Variants in TEK observed in about 807,000 individuals in gnomAD.
TEK encodes the protein angiopoietin-1 receptor.
A neutral mutation model predicts 131.8 loss-of-function variants in TEK; 43 were observed. The observed-to-expected ratio is 0.33, with a 90% CI of 0.26 to 0.42. TEK has a LOEUF of 0.42. Ranked by LOEUF, TEK falls within the 10% of genes least tolerant of loss-of-function variation. The pLI is 1.00. For synonymous variants in TEK, 580 were observed against 491.6 expected (o/e 1.18, Z -2.38); for missense variants, 1,162 against 1,384.4 (o/e 0.84, Z 2.55).
chr9:27,145,784 G>T lies in TEK; in HGVS notation c.53-12047G>T, dbSNP rs1032050646. Among the ~76,000 whole-genome samples, 5 of 152,194 alleles carry T rather than the reference G, an allele frequency of 3.3e-5. No individual in the cohort carries two copies. In the East Asian group the frequency reaches 5.8e-4, roughly 18 times the overall value. ...CAGTGCTTGGTGCTGGGGCGTTGAA[G>T]ACAGAAAGCTCATTGTCTAAGGAAG... On this transcript the variant is annotated intron_variant, in intron 1 of 22. Transcript: ENST00000380036.
At chr9:27,194,968 A>C (rs1215478007) in intron 11 of TEK, among the ~76,000 whole-genome samples, 1 of 152,096 alleles carries the variant, frequency 6.6e-6, no homozygotes, top group East Asian at 1.9e-4. Context: ...AAGGGCGGGA[A>C]AAGGGGAAAT....
intron 2 of TEK, among the ~76,000 whole-genome samples, chr9:27,166,537 C>A (rs972020812): frequency 2.6e-5 from 4 of 152,114 alleles, no homozygotes; most frequent in Non-Finnish European, 5.9e-5. Flanking sequence ...TAAAATCTAA[C>A]AAGGTTTTAT....
In TEK at chr9:27,212,836, A is replaced by G; in HGVS notation, c.2816A>G (p.Gln939Arg). 28 of 1,614,162 alleles carry G rather than the reference A, an allele frequency of 1.7e-5. No individual in the cohort carries two copies. Among genetic ancestry groups the G allele is most frequent in the Middle Eastern group, 1.6e-4 (1 of 6,062 alleles). ...ANSTASTLSS[Q>R]QLLHFAADVA... ...AGCACCGCGTCCACACTGTCCTCCC[A>G]GCAGCTCCTTCACTTCGCTGCCGAC... The change falls in exon 17 of 23, where the codon CAG becomes CGG. Residue 939 changes from glutamine to arginine, a missense_variant. By Grantham distance (43) the Gln-to-Arg change is conservative (BLOSUM62 1). Around this residue, in one of 6 missense-constraint regions of TEK, gnomAD observed 107 missense variants for 173.9 expected, o/e 0.62. Transcript: ENST00000380036.
intron 12 of TEK, among the ~76,000 whole-genome samples, chr9:27,200,446 T>G (rs1379163883): frequency 6.6e-6 from 1 of 152,144 alleles, no homozygotes; most frequent in African/African-American, 2.4e-5. Context: ...CTTGGATGAT[T>G]GTATGAAGTT....
intron 19 of TEK, among the ~76,000 whole-genome samples, chr9:27,218,260 G>GGGT (rs5897226): frequency 0.85 from 128,865 of 150,882 alleles, 55,297 homozygotes; most frequent in East Asian, 1. Flanking sequence ...AAGGCCCCGA[G>GGGT]GGTGGTGACT....
chr9:27,109,719 TCTC>T, intron 1 of TEK, 77 bp downstream of exon 1: 1 of 1,450,698 alleles, frequency 6.9e-7, no homozygotes. Context: ...TCTCCCCAAA[TCTC>T]ATCAGTGCTG....
rs527539252 is a variant in TEK at position 27,212,725 on chromosome 9, T to C, written c.2705T>C (p.Ile902Thr). The C allele has an allele frequency of 6.2e-7, 1 of 1,614,130 alleles. No individual in the cohort carries two copies. Among genetic ancestry groups the C allele is most frequent in the Non-Finnish European group, 8.5e-7 (1 of 1,179,994 alleles). ...CEHRGYLYLA[I>T]EYAPHGNLLD... ...CCTCCAGGCTACTTGTACCTGGCCA[T>C]TGAGTACGCGCCCCATGGAAACCTT... The change falls in exon 17 of 23, where the codon ATT becomes ACT. Residue 902 changes from isoleucine (I) to threonine (T), a missense_variant. Around this residue, in one of 6 missense-constraint regions of TEK, gnomAD observed 57 missense variants for 100.8 expected, o/e 0.57. Transcript: ENST00000380036.
At chr9:27,144,436 A>G (rs1429905847) in intron 1 of TEK, among the ~76,000 whole-genome samples, 1 of 152,216 alleles carries the variant, frequency 6.6e-6, no homozygotes, top group East Asian at 1.9e-4. Flanking sequence ...ATTACACTTA[A>G]TACATTTATA....
At chr9:27,116,422 G>C (rs1002004258) in intron 1 of TEK, among the ~76,000 whole-genome samples, 4 of 152,004 alleles carry the variant, frequency 2.6e-5, no homozygotes, top group African/African-American at 9.7e-5. Context: ...CTGAATAACT[G>C]GGATTATAGG....
intron 21 of TEK, among the ~76,000 whole-genome samples, 185 bp from the exon 22 acceptor site, chr9:27,228,021 A>T (rs115087621): frequency 6.6e-4 from 101 of 152,238 alleles, no homozygotes; most frequent in African/African-American, 2.4e-3. Flanking sequence ...AACTAAATCT[A>T]TGAGGAGTTG....
Position 27,217,955 on chromosome 9 carries a change from G to A in TEK, c.3062+197G>A, listed in dbSNP as rs1489031124. Among the ~76,000 whole-genome samples the A allele has an allele frequency of 2.6e-5, 4 of 152,142 alleles. No individual in the cohort carries two copies. In the South Asian group the frequency reaches 6.2e-4, roughly 24 times the overall value. On this transcript the variant is annotated intron_variant, in intron 19 of 22. Transcript: ENST00000380036. ...AGGAGTGCAGAATCACTTGTGGCAG[G>A]TTTTGGGTTTCCCTCTGCATACTGA...
intron 12 of TEK, among the ~76,000 whole-genome samples, chr9:27,201,119 G>A (rs1164359450): frequency 2.0e-5 from 3 of 152,152 alleles, no homozygotes; most frequent in Non-Finnish European, 4.4e-5. Context: ...AAGCATTTTA[G>A]AATCTATTGT....
At chr9:27,128,538 A>T (rs1226593405) in intron 1 of TEK, among the ~76,000 whole-genome samples, 1 of 152,130 alleles carries the variant, frequency 6.6e-6, no homozygotes, top group Non-Finnish European at 1.5e-5. Context: ...CTTGATGGGG[A>T]TAGCATTGAA....
At position 27,180,278 on chromosome 9, in the gene TEK, A is replaced by G. The variant is rs1196633186; in HGVS notation, c.940A>G (p.Arg314Gly). Residue 314 changes from arginine (R) to glycine (G), a missense_variant, in exon 7 of 23, where the codon AGG (arginine) becomes GGG (glycine). Arg to Gly is a moderately radical substitution (Grantham distance 125, BLOSUM62 -2). This residue lies in a region of TEK where 436 missense variants were observed against 539.1 expected (regional missense o/e 0.81). Coordinates refer to ENST00000380036, the MANE Select transcript of TEK (RefSeq NM_000459.5). ...PGFYGPDCKL[R>G]CSCNNGEMCD... ...TTTTTACGGGCCAGATTGTAAGCTTAGGTGCAGCTGCAACAATGGGGAGAT... is the reference window on the plus strand; with the variant it reads ...TTTTTACGGGCCAGATTGTAAGCTTGGGTGCAGCTGCAACAATGGGGAGAT... 5.6e-6 allele frequency: 9 copies of G among 1,613,780 alleles called. No homozygotes were observed. The highest frequency in any genetic ancestry group is 7.6e-6 in the Non-Finnish European group (9 of 1,179,870).
intron 16 of TEK, among the ~76,000 whole-genome samples, chr9:27,211,761 C>T (rs1296227913): frequency 6.6e-6 from 1 of 151,980 alleles, no homozygotes; most frequent in Admixed American, 6.6e-5. Context: ...TGAGCCACTG[C>T]ACTGGGCTTC....
At chr9:27,203,784 G>GA (rs1825305621) in intron 13 of TEK, among the ~76,000 whole-genome samples, 1 of 152,244 alleles carries the variant, frequency 6.6e-6, no homozygotes, top group South Asian at 2.1e-4. Flanking sequence ...GTGTGCCAGA[G>GA]AATGTAGATG....
At chr9:27,117,486 C>T (rs1821615725) in intron 1 of TEK, among the ~76,000 whole-genome samples, 1 of 152,182 alleles carries the variant, frequency 6.6e-6, no homozygotes, top group African/African-American at 2.4e-5. Context: ...CCAGCCCCAC[C>T]CCCATTGTCC....
At chr9:27,160,010 G>GTTTTTTTTTTT (rs563961610) in intron 2 of TEK, among the ~76,000 whole-genome samples, 1 of 84,322 alleles carries the variant, frequency 1.2e-5, no homozygotes, top group Non-Finnish European at 2.1e-5. Context: ...GCTGTTTAGG[G>GTTTTTTTTTTT]TTTTTTTTTT....
Position 27,203,136 on chromosome 9 carries a change from A to T in TEK, c.2209+17A>T, listed in dbSNP as rs638203. ...AATCTCAAGGTTGGTTGAATGGACA[A>T]GTATTTACATAGGATTACCGTGCAG... On this transcript the variant is annotated intron_variant, in intron 13 of 22. Coordinates refer to ENST00000380036, the MANE Select transcript of TEK (RefSeq NM_000459.5). The T allele has an allele frequency of 6.8e-6, 11 of 1,613,266 alleles. No homozygotes were observed. The South Asian group carries it at 1.2e-4, about 18-fold the overall frequency.
Sources: gnomAD v4.1 joint callset for allele counts (sites outside exome capture counted in the v4.1 genomes callset) on GRCh38, gnomAD v4.1.1 for gene constraint, gnomAD v4.1.1 regional missense constraint, MANE v1.5 for transcripts, NCBI Gene and HGNC (gene_info 2026-07-23, HGNC 2026-07-21) for gene names.